Variants in ARHGAP6 observed in about 807,000 individuals in gnomAD.
The protein encoded by ARHGAP6 is rho GTPase-activating protein 6.
Under a neutral mutation model 55.7 loss-of-function variants are expected in ARHGAP6, and 16 were observed. That is an observed-to-expected ratio of 0.29 (90% CI 0.19 to 0.44). The LOEUF is 0.44. Ranked by LOEUF, ARHGAP6 falls within the 20% of genes least tolerant of loss-of-function variation. The pLI, the probability that ARHGAP6 is intolerant of heterozygous loss-of-function variation, is 1.00. For missense variants in ARHGAP6, 698 were observed against 808.9 expected (o/e 0.86, Z 1.66); for synonymous variants, 382 against 360.9 (o/e 1.06, Z -0.66).
chrX:11,307,130 T>G (rs1437912518), intron 1 of ARHGAP6, among the ~76,000 whole-genome samples: 5 of 110,821 alleles, frequency 4.5e-5, no homozygotes, highest in Non-Finnish European at 9.4e-5. Flanking sequence ...CTCTCACTGA[T>G]TAGTTCAATG....
chrX:11,343,381 T>C (rs1408138873), intron 1 of ARHGAP6, among the ~76,000 whole-genome samples: 2 of 112,402 alleles, frequency 1.8e-5, no homozygotes, highest in Non-Finnish European at 3.8e-5. Flanking sequence ...TTTGATTCTA[T>C]AGGGCTGTCC....
chrX:11,602,697 A>G (rs1312442594), intron 1 of ARHGAP6, among the ~76,000 whole-genome samples: 6 of 112,737 alleles, frequency 5.3e-5, no homozygotes, highest in African/African-American at 6.4e-5. Context: ...CAGTTGAGGA[A>G]AGGGGTGGTA....
intron 1 of ARHGAP6, among the ~76,000 whole-genome samples, chrX:11,418,529 GA>G (rs771744361): frequency 4.5e-5 from 5 of 110,628 alleles, no homozygotes; most frequent in African/African-American, 6.6e-5. Flanking sequence ...GGCTTAGAGG[GA>G]AAAAAAATCT....
At chrX:11,598,578 A>G (rs897926852) in intron 1 of ARHGAP6, among the ~76,000 whole-genome samples, 2 of 111,638 alleles carry the variant, frequency 1.8e-5, no homozygotes, top group South Asian at 7.6e-4. Flanking sequence ...TTTAGCTCCA[A>G]CTTCTAAGTG....
At chrX:11,609,284 G>GA (rs150553691) in intron 1 of ARHGAP6, among the ~76,000 whole-genome samples, 3 of 111,148 alleles carry the variant, frequency 2.7e-5, no homozygotes, top group African/African-American at 6.5e-5. Flanking sequence ...GTGAGAAGAA[G>GA]AAAAAAAAGT....
At chrX:11,546,722 C>T (rs907108240) in intron 1 of ARHGAP6, among the ~76,000 whole-genome samples, 1 of 111,821 alleles carries the variant, frequency 8.9e-6, no homozygotes, top group African/African-American at 3.2e-5. Context: ...CTTCTCTTTT[C>T]CAGGTCTATA....
At chrX:11,218,065 G>T (rs1342854159) in intron 2 of ARHGAP6, among the ~76,000 whole-genome samples, 1 of 111,636 alleles carries the variant, frequency 9.0e-6, no homozygotes, top group Non-Finnish European at 1.9e-5. Flanking sequence ...TGTTCTATTG[G>T]TCTATATATC....
intron 2 of ARHGAP6, among the ~76,000 whole-genome samples, chrX:11,197,602 T>C (rs778116753): frequency 2.1e-4 from 24 of 112,408 alleles, no homozygotes; most frequent in African/African-American, 7.7e-4. Flanking sequence ...CAGGCTACTT[T>C]CTTTGTGGGG....
At chrX:11,513,541 T>G (rs1425957566) in intron 1 of ARHGAP6, among the ~76,000 whole-genome samples, 1 of 111,736 alleles carries the variant, frequency 8.9e-6, no homozygotes, top group Non-Finnish European at 1.9e-5. Flanking sequence ...CTAAGCCCTC[T>G]GTCCTTATGC....
intron 2 of ARHGAP6, among the ~76,000 whole-genome samples, chrX:11,228,137 C>T (rs141551057): frequency 3.9e-4 from 44 of 111,518 alleles, no homozygotes; most frequent in African/African-American, 1.1e-3. Flanking sequence ...ATGAAAACCA[C>T]GTTATGTGGA....
In ARHGAP6 at chrX:11,360,122, T is replaced by C. The variant is rs752076677; in HGVS notation, c.589-105415A>G. 3.6e-5 allele frequency among the ~76,000 whole-genome samples: 4 copies of C among 111,582 alleles called. No individual in the cohort carries two copies. The South Asian group carries it at 1.5e-3, about 42-fold the overall frequency. On this transcript the variant is annotated intron_variant, in intron 1 of 12. Transcript: ENST00000337414. Reference sequence around the variant, plus strand: ...TTCCTTCTGAAACTATTCCAATCAATACAAAAAGAGGGAATCCTCCCTAAC... The same window carrying C: ...TTCCTTCTGAAACTATTCCAATCAACACAAAAAGAGGGAATCCTCCCTAAC...
At position 11,481,138 on chromosome X, in the gene ARHGAP6, T is replaced by G. The variant is rs1485815955; in HGVS notation, c.588+183103A>C. 3.6e-5 allele frequency among the ~76,000 whole-genome samples: 4 copies of G among 111,192 alleles called. No individual in the cohort carries two copies. The East Asian group carries it at 8.5e-4, about 24-fold the overall frequency. On this transcript the variant is annotated intron_variant, in intron 1 of 12. Coordinates refer to ENST00000337414, the MANE Select transcript of ARHGAP6 (RefSeq NM_013427.3). ...GAGTGCTACTATTTACAGAGGATTT[T>G]TTTTCCTCTCCCTCTAATATTTTCA... is the stretch of plus-strand genomic sequence containing the variant.
rs1278692480 is a variant in ARHGAP6 at position 11,164,755 on chromosome X, C to A, written c.1809+4750G>T. ...CAAGGGTGGTGTCTTCTCTTTCTTGCCCCTCTCCTAAGAAGAAGTCCTAGT... is the reference window on the plus strand; with the variant it reads ...CAAGGGTGGTGTCTTCTCTTTCTTGACCCTCTCCTAAGAAGAAGTCCTAGT... On this transcript the variant is annotated intron_variant, in intron 9 of 12. Coordinates refer to ENST00000337414, the MANE Select transcript of ARHGAP6 (RefSeq NM_013427.3). Among the ~76,000 whole-genome samples the A allele has an allele frequency of 2.7e-5, 3 of 112,106 alleles. No individual in the cohort carries two copies. In the Admixed American group the frequency reaches 2.8e-4, roughly 11 times the overall value.
At chrX:11,600,388 G>A (rs1242932991) in intron 1 of ARHGAP6, among the ~76,000 whole-genome samples, 1 of 112,022 alleles carries the variant, frequency 8.9e-6, no homozygotes, top group Non-Finnish European at 1.9e-5. Flanking sequence ...AACAAATAGG[G>A]AAAATCTCAG....
At chrX:11,401,901 A>T (rs944960380) in intron 1 of ARHGAP6, among the ~76,000 whole-genome samples, 1 of 112,417 alleles carries the variant, frequency 8.9e-6, no homozygotes, top group Admixed American at 9.4e-5. Flanking sequence ...CATTGCATAC[A>T]TATATACATA....
intron 3 of ARHGAP6, among the ~76,000 whole-genome samples, chrX:11,191,273 T>C (rs192830711): frequency 8.9e-6 from 1 of 111,868 alleles, no homozygotes; most frequent in African/African-American, 3.2e-5. Context: ...TTCAATTCTG[T>C]AGCCTAGGGG....
rs557216362 is a variant in ARHGAP6, at chrX:11,632,634, A to G, written c.588+31607T>C. 1.7e-3 allele frequency among the ~76,000 whole-genome samples: 197 copies of G among 112,614 alleles called. No homozygotes were observed. The Middle Eastern group carries it at 0.018, about 10-fold the overall frequency. ...GATTCCGCATGAATGGTCACAGTGT[A>G]AAGAACATAATATAATTTCTACTTC... On this transcript the variant is annotated intron_variant, in intron 1 of 12. Transcript: ENST00000337414.
At chrX:11,195,125 G>A (rs1257509774) in intron 3 of ARHGAP6, among the ~76,000 whole-genome samples, 1 of 111,443 alleles carries the variant, frequency 9.0e-6, no homozygotes, top group Non-Finnish European at 1.9e-5. Flanking sequence ...AGGCTGAGGC[G>A]GGAGGAGCAC....
intron 1 of ARHGAP6, among the ~76,000 whole-genome samples, chrX:11,276,409 C>T (rs927874763): frequency 8.9e-6 from 1 of 111,977 alleles, no homozygotes; most frequent in African/African-American, 3.2e-5. Context: ...GCAATTCTGT[C>T]TATACAGAAA....
Sources: gnomAD v4.1 joint callset for allele counts (sites outside exome capture counted in the v4.1 genomes callset) on GRCh38, gnomAD v4.1.1 for gene constraint, MANE v1.5 for transcripts, NCBI Gene and HGNC (gene_info 2026-07-23, HGNC 2026-07-21) for gene names.